The following ENTPD3 variants were observed in gnomAD, a reference collection of about 807,000 sequenced individuals.
The protein encoded by ENTPD3 is CD39 antigen-like 3.
A neutral mutation model predicts 51.2 loss-of-function variants in ENTPD3; 60 were observed. That is an observed-to-expected ratio of 1.17 (90% CI 0.95 to 1.45). The LOEUF (loss-of-function observed/expected upper bound fraction) is 1.45. Ranked by LOEUF, ENTPD3 falls within the 40% of genes most tolerant of loss-of-function variation. The probability of loss-of-function intolerance (pLI) is 0.00; values close to 1 mark genes in which losing one functional copy is unlikely to be tolerated. For missense variants in ENTPD3, 593 were observed against 641.1 expected, an observed-to-expected ratio of 0.93 and a Z score of 0.81; for synonymous variants, 221 against 238.4, an observed-to-expected ratio of 0.93 and a Z score of 0.67.
chr3:40,416,581 A>G (rs1955752282), intron 7 of ENTPD3, among the ~76,000 whole-genome samples: 1 of 152,236 alleles, frequency 6.6e-6, no homozygotes, highest in African/African-American at 2.4e-5. Flanking sequence ...ACATTCCATC[A>G]TGTTGATCAG....
chr3:40,416,651 C>G (rs187646735), intron 7 of ENTPD3, among the ~76,000 whole-genome samples: 239 of 152,284 alleles, frequency 1.6e-3, no homozygotes, highest in Non-Finnish European at 3.0e-3. Context: ...AGCTAGAAAG[C>G]TATTGCTAAT....
At chr3:40,424,182 G>A in intron 10 of ENTPD3, 1 of 985,358 alleles carries the variant, frequency 1.0e-6, no homozygotes, top group Non-Finnish European at 1.2e-6. Context: ...TGGAAGCCAA[G>A]GGCCAATGGA....
intron 7 of ENTPD3, among the ~76,000 whole-genome samples, chr3:40,420,209 T>A (rs1391029147): frequency 6.6e-6 from 1 of 151,914 alleles, no homozygotes; most frequent in East Asian, 1.9e-4. Flanking sequence ...GCCAATTGAT[T>A]AGTTTGATTT....
intron 4 of ENTPD3, among the ~76,000 whole-genome samples, chr3:40,408,877 A>C (rs1307640144): frequency 3.3e-5 from 5 of 151,888 alleles, no homozygotes; most frequent in African/African-American, 1.2e-4. Flanking sequence ...ATTTAAAAGT[A>C]GAAAAGGAAG....
intron 3 of ENTPD3, among the ~76,000 whole-genome samples, chr3:40,395,441 G>T (rs1044238167): frequency 1.3e-5 from 2 of 152,214 alleles, no homozygotes; most frequent in Admixed American, 6.5e-5. Flanking sequence ...AGACATACGT[G>T]CAAGTAGATC....
intron 3 of ENTPD3, chr3:40,392,681 C>G (rs1955090550): frequency 1.3e-5 from 2 of 152,470 alleles, no homozygotes; most frequent in African/African-American, 4.8e-5. Context: ...CGAGGCTGAG[C>G]ACAGTGGCTC....
In ENTPD3 at chr3:40,415,943, A is replaced by C. The variant is rs546718980; in HGVS notation, c.701A>C (p.Lys234Thr). The change falls in exon 7 of 11, where the codon AAG becomes ACG. Residue 234 changes from lysine to threonine, a missense_variant. By Grantham distance (78) the Lys-to-Thr change is moderately conservative. Transcript: ENST00000301825. ...STQISFVAGEKMDLNTSDIMQ... is the reference protein window; with the variant it reads ...STQISFVAGETMDLNTSDIMQ... ...CAAATATCCTTCGTGGCAGGAGAGA[A>C]GATGGATCTGAACACCAGCGACATC... 6.2e-7 allele frequency: 1 copy of C among 1,614,160 alleles called. No homozygotes were observed. Among genetic ancestry groups the C allele is most frequent in the East Asian group, 2.2e-5 (1 of 44,874 alleles).
chr3:40,423,203 G>C, intron 8 of ENTPD3, 81 bp downstream of exon 8: 2 of 1,559,654 alleles, frequency 1.3e-6, no homozygotes, highest in Non-Finnish European at 1.8e-6. Flanking sequence ...CTGCTGACTT[G>C]TTAGCCACCT....
chr3:40,423,005 G>A lies in ENTPD3; in HGVS notation c.987G>A (p.Gly329=), dbSNP rs750794185. The A allele has an allele frequency of 6.2e-7, 1 of 1,614,030 alleles. No homozygotes were observed. Among genetic ancestry groups the A allele is most frequent in the East Asian group, 2.2e-5 (1 of 44,878 alleles). Residue 329 remains glycine (G), a synonymous_variant, in exon 8 of 11, where the codon GGG becomes GGA. Coordinates refer to ENST00000301825, the MANE Select transcript of ENTPD3 (RefSeq NM_001248.4). The part of the protein sequence containing the change: ...PNDVITFEGT[G]DPSLCKEKVA... ...ATGTCATCACTTTTGAAGGAACTGG[G>A]GACCCATCTCTGTGTAAGGAGAAGG...
chr3:40,420,385 G>A (rs528554997), intron 7 of ENTPD3, among the ~76,000 whole-genome samples: 45 of 151,784 alleles, frequency 3.0e-4, no homozygotes, highest in African/African-American at 9.7e-4. Context: ...ACAGGTGCCC[G>A]CCACCATGCC....
rs201157099 is a variant in ENTPD3, at chr3:40,415,883, C to A, written c.641C>A (p.Thr214Asn). ...HMWVHPHGVE[T>N]TGALDLGGAS... ...TGGGTGCACCCGCATGGAGTGGAAA[C>A]CACGGGTGCCCTGGACTTAGGTGGT... The change falls in exon 7 of 11, where the codon ACC becomes AAC. Residue 214 changes from threonine to asparagine, a missense_variant. Transcript: ENST00000301825. 1.6e-4 allele frequency: 265 copies of A among 1,614,118 alleles called. 2 individuals carry two copies. In the East Asian group the frequency reaches 5.0e-3, roughly 30 times the overall value.
In ENTPD3 at chr3:40,400,942, T is replaced by C. The variant is rs1955341325; in HGVS notation, c.217T>C (p.Tyr73His). ...GTCTTCAAGAACCACAGTCTACGTG[T>C]ATCAATGGCCAGCAGAAAAAGAGAA... Reference protein sequence around the residue: ...AGSSRTTVYVYQWPAEKENNT... With the variant: ...AGSSRTTVYVHQWPAEKENNT... Residue 73 changes from tyrosine to histidine, a missense_variant, in exon 4 of 11, where the codon TAT becomes CAT. By Grantham distance (83) the Tyr-to-His change is moderately conservative. Transcript: ENST00000301825. The C allele has an allele frequency of 6.2e-7, 1 of 1,613,774 alleles. No homozygotes were observed. Among genetic ancestry groups the C allele is most frequent in the Non-Finnish European group, 8.5e-7 (1 of 1,180,000 alleles).
chr3:40,395,887 T>G (rs1190146829), intron 3 of ENTPD3, among the ~76,000 whole-genome samples: 2 of 152,158 alleles, frequency 1.3e-5, no homozygotes, highest in Non-Finnish European at 2.9e-5. Context: ...ATTGTTATTA[T>G]CCCTGTATTG....
intron 3 of ENTPD3, among the ~76,000 whole-genome samples, chr3:40,394,618 T>TC (rs1442274525): frequency 5.3e-5 from 8 of 152,278 alleles, no homozygotes; most frequent in Middle Eastern, 3.4e-3. Flanking sequence ...CCTGGTCCCT[T>TC]CTGTTCCCAA....
In ENTPD3 at chr3:40,423,421, G is replaced by A; in HGVS notation, c.1215+20G>A. ...AGTCAGGTCAGTATTTAAAGAGAAG[G>A]GATCAATGTCAGTACAAAAAAATAT... On this transcript the variant is annotated intron_variant, in intron 9 of 10. Transcript: ENST00000301825. 6.6e-7 allele frequency: 1 copy of A among 1,510,776 alleles called. No individual in the cohort carries two copies. Among genetic ancestry groups the A allele is most frequent in the Non-Finnish European group, 9.2e-7 (1 of 1,087,672 alleles). The allele number at this position is 1,510,776 out of a possible 1,614,324, so 93.6% of individuals were successfully genotyped here.
intron 6 of ENTPD3, among the ~76,000 whole-genome samples, chr3:40,415,348 G>T (rs1559515709): frequency 6.6e-6 from 1 of 152,050 alleles, no homozygotes; most frequent in Non-Finnish European, 1.5e-5. Flanking sequence ...TGTTACAGGG[G>T]GCACAAAACA....
chr3:40,412,636 T>C (rs1341225371), intron 5 of ENTPD3, among the ~76,000 whole-genome samples: 1 of 152,194 alleles, frequency 6.6e-6, no homozygotes, highest in East Asian at 1.9e-4. Context: ...ACTCCAAGTG[T>C]TGGAATAAGG....
intron 2 of ENTPD3, among the ~76,000 whole-genome samples, chr3:40,388,783 G>C (rs1490089776): frequency 6.6e-6 from 1 of 152,134 alleles, no homozygotes; most frequent in African/African-American, 2.4e-5. Context: ...TTTCCTAAAT[G>C]AGTAAGACCT....
At position 40,428,075 on chromosome 3, in the gene ENTPD3, G is replaced by A. The variant is rs1956016293; in HGVS notation, c.*567G>A. The A allele has an allele frequency of 6.4e-6, 1 of 157,130 alleles. No homozygotes were observed. Among genetic ancestry groups the A allele is most frequent in the Admixed American group, 6.0e-5 (1 of 16,758 alleles). The allele number at this position is 157,130 out of a possible 1,614,324, so 9.7% of individuals were successfully genotyped here. ...CCACAGCCAGGCTTCTGTCATACAGGTAGATCCCGAAGCACAGAGACATAA... is the reference window on the plus strand; with the variant it reads ...CCACAGCCAGGCTTCTGTCATACAGATAGATCCCGAAGCACAGAGACATAA... On this transcript the variant is annotated 3_prime_UTR_variant, in exon 11 of 11. Coordinates refer to ENST00000301825, the MANE Select transcript of ENTPD3 (RefSeq NM_001248.4).
Sources: allele counts gnomAD v4.1 joint callset (sites outside exome capture counted in the v4.1 genomes callset), GRCh38; gene constraint gnomAD v4.1.1; transcripts MANE v1.5; gene names NCBI Gene and HGNC (gene_info 2026-07-23, HGNC 2026-07-21).